Variants in KCNH8 observed in about 807,000 individuals in gnomAD.
KCNH8 encodes potassium voltage-gated channel subfamily H member 8.
A neutral mutation model predicts 103.6 loss-of-function variants in KCNH8; 70 were observed. The observed-to-expected ratio is 0.68, with a 90% CI of 0.56 to 0.82. The LOEUF (loss-of-function observed/expected upper bound fraction) is 0.82. Ranked by LOEUF, KCNH8 falls within the 40% of genes least tolerant of loss-of-function variation. KCNH8 has a pLI of 0.00. For synonymous variants in KCNH8, 498 were observed against 489.4 expected (o/e 1.02, Z -0.23); for missense variants, 1,217 against 1,329.9 (o/e 0.92, Z 1.32).
chr3:19,155,046 T>A (rs934510466), intron 1 of KCNH8, among the ~76,000 whole-genome samples: 3 of 152,202 alleles, frequency 2.0e-5, no homozygotes, highest in African/African-American at 7.2e-5. Context: ...AGTTATTGGA[T>A]TATAAATTCC....
At chr3:19,442,989 C>A (rs1391747837) in intron 8 of KCNH8, among the ~76,000 whole-genome samples, 1 of 151,880 alleles carries the variant, frequency 6.6e-6, no homozygotes, top group East Asian at 1.9e-4. Context: ...TAAGACCTGG[C>A]AAACTTCTTC....
intron 7 of KCNH8, among the ~76,000 whole-genome samples, chr3:19,415,775 A>G (rs1425486194): frequency 6.6e-6 from 1 of 152,084 alleles, no homozygotes; most frequent in African/African-American, 2.4e-5. Flanking sequence ...ATATATTGCT[A>G]AATTCTTGTC....
At chr3:19,251,979 A>G (rs1324269479) in intron 1 of KCNH8, among the ~76,000 whole-genome samples, 1 of 152,166 alleles carries the variant, frequency 6.6e-6, no homozygotes, top group Non-Finnish European at 1.5e-5. Context: ...CTTATCCTGT[A>G]GTTTTTTCAT....
chr3:19,426,176 G>A (rs576375189), intron 7 of KCNH8, among the ~76,000 whole-genome samples: 1 of 152,174 alleles, frequency 6.6e-6, no homozygotes, highest in East Asian at 1.9e-4. Context: ...GTCCTGCTGG[G>A]CTATGCTCCT....
At chr3:19,440,386 T>G (rs192358211) in intron 8 of KCNH8, among the ~76,000 whole-genome samples, 1 of 152,254 alleles carries the variant, frequency 6.6e-6, no homozygotes, top group African/African-American at 2.4e-5. Context: ...CTGGGCAATT[T>G]ATAAAGAAAA....
intron 11 of KCNH8, among the ~76,000 whole-genome samples, chr3:19,468,965 C>T (rs2067799214): frequency 6.6e-6 from 1 of 151,994 alleles, no homozygotes; most frequent in African/African-American, 2.4e-5. Flanking sequence ...AAATTTAGTC[C>T]CCATTTCAGT....
chr3:19,353,489 G>C (rs1038715318), intron 5 of KCNH8, among the ~76,000 whole-genome samples: 3 of 151,916 alleles, frequency 2.0e-5, no homozygotes, highest in South Asian at 2.1e-4. Context: ...CCTCAATAAA[G>C]TACTGGCAAA....
chr3:19,383,560 A>G (rs2066316260), intron 5 of KCNH8, among the ~76,000 whole-genome samples: 1 of 152,018 alleles, frequency 6.6e-6, no homozygotes, highest in South Asian at 2.1e-4. Context: ...TTTAATAGAG[A>G]CGGGGTTTCA....
chr3:19,508,006 G>A (rs1263493022), intron 11 of KCNH8, among the ~76,000 whole-genome samples: 2 of 152,056 alleles, frequency 1.3e-5, no homozygotes, highest in Admixed American at 6.6e-5. Context: ...ATGATCATTC[G>A]GGTTTTGCTT....
At chr3:19,477,405 T>G (rs1375855075) in intron 11 of KCNH8, among the ~76,000 whole-genome samples, 1 of 151,038 alleles carries the variant, frequency 6.6e-6, no homozygotes, top group Non-Finnish European at 1.5e-5. Context: ...ACAATGAATG[T>G]GAGGATTTTT....
At chr3:19,229,801 T>C (rs918337394) in intron 1 of KCNH8, among the ~76,000 whole-genome samples, 2 of 152,238 alleles carry the variant, frequency 1.3e-5, no homozygotes, top group Non-Finnish European at 2.9e-5. Context: ...CCTGCCTTCT[T>C]CTGAGCCCTC....
At chr3:19,469,622 C>T (rs1363182039) in intron 11 of KCNH8, among the ~76,000 whole-genome samples, 1 of 152,074 alleles carries the variant, frequency 6.6e-6, no homozygotes, top group African/African-American at 2.4e-5. Flanking sequence ...TGAAACTTTC[C>T]TCCTACTGAT....
chr3:19,239,687 TAC>T, intron 1 of KCNH8, among the ~76,000 whole-genome samples: 1 of 152,268 alleles, frequency 6.6e-6, no homozygotes, highest in African/African-American at 2.4e-5. Flanking sequence ...TCTATCTACC[TAC>T]CTACCTATCT....
intron 7 of KCNH8, among the ~76,000 whole-genome samples, chr3:19,412,444 A>C (rs546711080): frequency 2.0e-5 from 3 of 152,114 alleles, no homozygotes; most frequent in African/African-American, 7.2e-5. Flanking sequence ...TAATTCTAGA[A>C]GAAAACCTAG....
intron 1 of KCNH8, among the ~76,000 whole-genome samples, chr3:19,228,572 A>C (rs1447487489): frequency 6.6e-6 from 1 of 152,220 alleles, no homozygotes; most frequent in Non-Finnish European, 1.5e-5. Context: ...TCTATAATGT[A>C]TTGTGGGAAA....
chr3:19,231,421 T>G (rs1422510843), intron 1 of KCNH8, among the ~76,000 whole-genome samples: 1 of 152,222 alleles, frequency 6.6e-6, no homozygotes, highest in Non-Finnish European at 1.5e-5. Flanking sequence ...TCTGGTGGTC[T>G]TTGTATAATG....
chr3:19,455,420 G>GT (rs1482173484), intron 10 of KCNH8, among the ~76,000 whole-genome samples: 1 of 152,034 alleles, frequency 6.6e-6, no homozygotes, highest in Non-Finnish European at 1.5e-5. Flanking sequence ...CAATGAAAGA[G>GT]TAACTGATTA....
At chr3:19,526,605 A>C (rs1015989735) in intron 15 of KCNH8, among the ~76,000 whole-genome samples, 2 of 151,940 alleles carry the variant, frequency 1.3e-5, no homozygotes, top group Admixed American at 6.6e-5. Flanking sequence ...GGACACTGAC[A>C]ACGCATGGTG....
intron 1 of KCNH8, among the ~76,000 whole-genome samples, chr3:19,243,793 T>A (rs1360931854): frequency 6.6e-6 from 1 of 152,160 alleles, no homozygotes; most frequent in African/African-American, 2.4e-5. Context: ...AAAAGGCTGT[T>A]CCAGTCAGTT....
Sources: allele counts gnomAD v4.1 joint callset (sites outside exome capture counted in the v4.1 genomes callset), GRCh38; gene constraint gnomAD v4.1.1; transcripts MANE v1.5; gene names NCBI Gene and HGNC (gene_info 2026-07-23, HGNC 2026-07-21).